Variants in REEP2 observed in about 807,000 individuals in gnomAD.
REEP2 encodes the protein receptor accessory protein 2, also known as receptor expression-enhancing protein 2.
A neutral mutation model predicts 32.1 loss-of-function variants in REEP2; 9 were observed. The observed-to-expected ratio is 0.28, with a 90% CI of 0.17 to 0.49. The LOEUF (loss-of-function observed/expected upper bound fraction) is 0.49. Among genes scored for constraint, REEP2 ranks in the 20% least tolerant of loss-of-function variants. The pLI is 0.99. For missense variants in REEP2, 236 were observed against 338.0 expected (o/e 0.70, Z 2.37); for synonymous variants, 128 against 139.1 (o/e 0.92, Z 0.56).
rs1763768884 is a variant in REEP2 at position 138,439,058 on chromosome 5, G to C, written c.-151G>C. ...GGCAGGGACCTCCCCTTTAACGGCGGCGCTGGGCGCTCCGCTGCCCCCGCG... is the reference window on the plus strand; with the variant it reads ...GGCAGGGACCTCCCCTTTAACGGCGCCGCTGGGCGCTCCGCTGCCCCCGCG... On this transcript the variant is annotated 5_prime_UTR_variant, in exon 1 of 8. Transcript: ENST00000378339. 1 of 229,868 alleles carries C rather than the reference G, an allele frequency of 4.4e-6. No homozygotes were observed. Among genetic ancestry groups the C allele is most frequent in the Non-Finnish European group, 7.8e-6 (1 of 128,172 alleles). The allele number at this position is 229,868 out of a possible 1,614,324, so 14.2% of individuals were successfully genotyped here.
chr5:138,442,539 C>T lies in REEP2; in HGVS notation c.182+1078C>T, dbSNP rs374427127. 4.0e-5 allele frequency among the ~76,000 whole-genome samples: 6 copies of T among 151,868 alleles called. No individual in the cohort carries two copies. In the East Asian group the frequency reaches 5.8e-4, roughly 15 times the overall value. On this transcript the variant is annotated intron_variant, in intron 3 of 7. Transcript: ENST00000378339. ...CATCCTGGCCAACACGGTGAAACCCCGTCTCTACTAAAAATACAAAAATTA... is the reference window on the plus strand; with the variant it reads ...CATCCTGGCCAACACGGTGAAACCCTGTCTCTACTAAAAATACAAAAATTA...
At position 138,439,180 on chromosome 5, in the gene REEP2, C is replaced by A; in HGVS notation, c.-29C>A. ...AGCTGCATCCTCGGCCGGGCCGGGT[C>A]CCCGCCCCGCGCCGCGCCCGGCCCC... is the stretch of plus-strand genomic sequence containing the variant. On this transcript the variant is annotated 5_prime_UTR_variant, in exon 1 of 8. Transcript: ENST00000378339. 1 of 1,352,498 alleles carries A rather than the reference C, an allele frequency of 7.4e-7. No homozygotes were observed. Among genetic ancestry groups the A allele is most frequent in the Non-Finnish European group, 9.5e-7 (1 of 1,054,348 alleles). 83.8% of individuals were successfully genotyped at this position (1,352,498 alleles called of 1,614,324 possible). A position where few individuals can be genotyped will look rare whatever the true frequency, so the allele number is the denominator to read the frequency against.
In REEP2 at chr5:138,445,726, C is replaced by A. The variant is rs1286870032; in HGVS notation, c.740C>A (p.Thr247Asn). ...CTGAAGACCCGGCCCAAGAAGAAGA[C>A]CTCTGGCGGGGGCGACTCAGCTTGA... Reference protein sequence around the residue: ...KTLKTRPKKKTSGGGDSA With the variant: ...KTLKTRPKKKNSGGGDSA The change falls in exon 8 of 8, where the codon ACC becomes AAC. Residue 247 changes from threonine to asparagine, a missense_variant. Thr to Asn is a moderately conservative substitution (Grantham distance 65, BLOSUM62 0). Coordinates refer to ENST00000378339, the MANE Select transcript of REEP2 (RefSeq NM_001271803.2). 2.5e-6 allele frequency: 4 copies of A among 1,614,134 alleles called. No individual in the cohort carries two copies. The highest frequency in any genetic ancestry group is 3.4e-6 in the Non-Finnish European group (4 of 1,180,010).
chr5:138,445,687 T>C lies in REEP2; in HGVS notation c.701T>C (p.Leu234Pro). ...PIKKAPKAEP[L>P]ASKTLKTRPK... Reference sequence around the variant, plus strand: ...TCTTCCTCCTTCTTTCCACAGCCACTGGCTTCCAAGACACTGAAGACCCGG... The same window carrying C: ...TCTTCCTCCTTCTTTCCACAGCCACCGGCTTCCAAGACACTGAAGACCCGG... Residue 234 changes from leucine to proline, a missense_variant, in exon 8 of 8, where the codon CTG (leucine) becomes CCG (proline). Coordinates refer to ENST00000378339, the MANE Select transcript of REEP2 (RefSeq NM_001271803.2). 1.2e-6 allele frequency: 2 copies of C among 1,614,098 alleles called. No homozygotes were observed. Among genetic ancestry groups the C allele is most frequent in the Non-Finnish European group, 1.7e-6 (2 of 1,180,018 alleles).
At chr5:138,444,254 C>A in intron 3 of REEP2, 161 bp from the exon 4 acceptor site, 1 of 752,624 alleles carries the variant, frequency 1.3e-6, no homozygotes, top group East Asian at 2.7e-5. Flanking sequence ...GCCCTCCAGA[C>A]CCTTTCAGAT....
rs559754711 is a variant in REEP2 at position 138,446,216 on chromosome 5, C to T, written c.*465C>T. Reference sequence around the variant, plus strand: ...GGGGAAAGGGAGCACACGGGGAGGACGTTGGGGACCCTGGGTGGGGCCTCC... The same window carrying T: ...GGGGAAAGGGAGCACACGGGGAGGATGTTGGGGACCCTGGGTGGGGCCTCC... On this transcript the variant is annotated 3_prime_UTR_variant, in exon 8 of 8. Coordinates refer to ENST00000378339, the MANE Select transcript of REEP2 (RefSeq NM_001271803.2). 2.5e-5 allele frequency: 4 copies of T among 156,958 alleles called. No homozygotes were observed. Among genetic ancestry groups the T allele is most frequent in the East Asian group, 3.8e-4 (2 of 5,276 alleles). The allele number at this position is 156,958 out of a possible 1,614,324, so 9.7% of individuals were successfully genotyped here.
In REEP2 at chr5:138,441,302, T is replaced by C; in HGVS notation, c.106-83T>C. 6 of 1,369,790 alleles carry C rather than the reference T, an allele frequency of 4.4e-6. No individual in the cohort carries two copies. The highest frequency in any genetic ancestry group is 2.3e-5 in the South Asian group (2 of 86,002). The allele number at this position is 1,369,790 out of a possible 1,614,324, so 84.9% of individuals were successfully genotyped here. On this transcript the variant is annotated intron_variant, in intron 2 of 7. Coordinates refer to ENST00000378339, the MANE Select transcript of REEP2 (RefSeq NM_001271803.2). The surrounding 1 kb of genome is among the most constrained non-coding windows in gnomAD (Gnocchi z 4.4). ...CTTGGTGTTCTCCCCAGCCCAGGCA[T>C]GTTCAACAGGCAGAGCTGGGGTCCT...
rs1452622279 is a variant in REEP2, at chr5:138,446,315, C to T, written c.*564C>T. 3.9e-5 allele frequency: 6 copies of T among 153,932 alleles called. No individual in the cohort carries two copies. Among genetic ancestry groups the T allele is most frequent in the African/African-American group, 1.4e-4 (6 of 41,444 alleles). The allele number at this position is 153,932 out of a possible 1,614,324, so 9.5% of individuals were successfully genotyped here. Reference sequence around the variant, plus strand: ...CAGGATGGCCAGGCCAGAGCTGCAGCTGGGGGCTCTTTTCCTGGTCATTGG... The same window carrying T: ...CAGGATGGCCAGGCCAGAGCTGCAGTTGGGGGCTCTTTTCCTGGTCATTGG... On this transcript the variant is annotated 3_prime_UTR_variant, in exon 8 of 8. Transcript: ENST00000378339.
chr5:138,439,349 C>A (rs1481999940), intron 1 of REEP2, 109 bp downstream of exon 1: 8 of 1,188,298 alleles, frequency 6.7e-6, no homozygotes, highest in Non-Finnish European at 9.2e-6. Context: ...CCTAAAGGCG[C>A]TGCGTCCTTA....
Position 138,441,402 on chromosome 5 carries a change from C to G in REEP2, c.123C>G (p.Tyr41Ter). The G allele has an allele frequency of 6.2e-7, 1 of 1,614,184 alleles. No homozygotes were observed. Among genetic ancestry groups the G allele is most frequent in the Non-Finnish European group, 8.5e-7 (1 of 1,180,010 alleles). Residue 41 changes from tyrosine (Y) to a stop codon, truncating the protein, a stop_gained, in exon 3 of 8, where the codon TAC (tyrosine) becomes TAG (stop). Transcript: ENST00000378339. LOFTEE classifies it high-confidence loss of function. The surrounding 1 kb of genome is among the most constrained non-coding windows in gnomAD (Gnocchi z 4.4). ...TCCCTCAGGTGAAATGGATGATGTA[C>G]TGGATCGTCTTTGCCTTCTTCACCA... The part of the protein sequence containing the change: ...NVKEYVKWMM[Y>*]WIVFAFFTTA...
chr5:138,441,585 G>A lies in REEP2; in HGVS notation c.182+124G>A. ...CTCCCATTCCTGACAATTTCATGGG[G>A]TCCTTGATATCTCCCCTCTCATGCC... On this transcript the variant is annotated intron_variant, in intron 3 of 7. Coordinates refer to ENST00000378339, the MANE Select transcript of REEP2 (RefSeq NM_001271803.2). This position sits in a 1 kb window ranked among gnomAD's most constrained non-coding sequence, Gnocchi z 4.4. 3 of 773,328 alleles carry A rather than the reference G, an allele frequency of 3.9e-6. No individual in the cohort carries two copies. The highest frequency in any genetic ancestry group is 1.5e-5 in the South Asian group (1 of 66,196). 47.9% of individuals were successfully genotyped at this position (773,328 alleles called of 1,614,324 possible).
rs760428688 is a variant in REEP2 at position 138,441,129 on chromosome 5, C to A, written c.105+41C>A. The A allele has an allele frequency of 1.4e-5, 22 of 1,611,776 alleles. No homozygotes were observed. Among genetic ancestry groups the A allele is most frequent in the Non-Finnish European group, 1.8e-5 (21 of 1,179,024 alleles). ...TTCACCCCCTACCCAACCCACATGG[C>A]ACAGAGAGGGGAGGGCACTGGGTCC... is the stretch of plus-strand genomic sequence containing the variant. On this transcript the variant is annotated intron_variant, in intron 2 of 7. Transcript: ENST00000378339. The surrounding 1 kb of genome is among the most constrained non-coding windows in gnomAD (Gnocchi z 4.4).
Position 138,445,888 on chromosome 5 carries a change from T to G in REEP2, c.*137T>G. ...CCCGCAGATGGCCATTTCCGGTGCC[T>G]GCCCAGTGGCCACTCTTCTGGAAGG... On this transcript the variant is annotated 3_prime_UTR_variant, in exon 8 of 8. Coordinates refer to ENST00000378339, the MANE Select transcript of REEP2 (RefSeq NM_001271803.2). 1 of 795,110 alleles carries G rather than the reference T, an allele frequency of 1.3e-6. No individual in the cohort carries two copies. Among genetic ancestry groups the G allele is most frequent in the South Asian group, 1.8e-5 (1 of 54,604 alleles). 49.3% of individuals were successfully genotyped at this position (795,110 alleles called of 1,614,324 possible). A position where few individuals can be genotyped will look rare whatever the true frequency, so the allele number is the denominator to read the frequency against.
chr5:138,444,773 C>A lies in REEP2; in HGVS notation c.323C>A (p.Thr108Lys), dbSNP rs772650431. The change falls in exon 5 of 8, where the codon ACG becomes AAG. Residue 108 changes from threonine (T) to lysine (K), a missense_variant. Physicochemically the swap from Thr to Lys is moderately conservative, Grantham distance 78. Transcript: ENST00000378339. Reference sequence around the variant, plus strand: ...CCATAGGAGATCGACGAGTACATCACGCAGGCCCGAGACAAGAGCTATGAG... The same window carrying A: ...CCATAGGAGATCGACGAGTACATCAAGCAGGCCCGAGACAAGAGCTATGAG... ...NKEKEIDEYI[T>K]QARDKSYETM... is the part of the protein sequence containing the mutation. The A allele has an allele frequency of 6.8e-6, 11 of 1,613,888 alleles. No homozygotes were observed. The highest frequency in any genetic ancestry group is 9.3e-6 in the Non-Finnish European group (11 of 1,179,906).
rs377323644 is a variant in REEP2 at position 138,444,545 on chromosome 5, C to T, written c.303+10C>T. ...GTCCAACAAGGAGAAGGTTTGCCCC[C>T]ACTCTCAGCTCACCTCCCAGCCTGC... On this transcript the variant is annotated intron_variant, in intron 4 of 7. Coordinates refer to ENST00000378339, the MANE Select transcript of REEP2 (RefSeq NM_001271803.2). 3 of 1,613,478 alleles carry T rather than the reference C, an allele frequency of 1.9e-6. No individual in the cohort carries two copies. The highest frequency in any genetic ancestry group is 2.7e-5 in the African/African-American group (2 of 74,906).
chr5:138,445,101 G>A, intron 5 of REEP2, 127 bp from the exon 6 acceptor site: 1 of 1,103,510 alleles, frequency 9.1e-7, no homozygotes. Context: ...AGCTCTGTCT[G>A]TGTGGGACTG....
chr5:138,441,580 A>T lies in REEP2; in HGVS notation c.182+119A>T. 1.2e-6 allele frequency: 1 copy of T among 837,910 alleles called. No homozygotes were observed. The highest frequency in any genetic ancestry group is 1.4e-5 in the South Asian group (1 of 69,322). The allele number at this position is 837,910 out of a possible 1,614,324, so 51.9% of individuals were successfully genotyped here. On this transcript the variant is annotated intron_variant, in intron 3 of 7. Coordinates refer to ENST00000378339, the MANE Select transcript of REEP2 (RefSeq NM_001271803.2). This position sits in a 1 kb window ranked among gnomAD's most constrained non-coding sequence, Gnocchi z 4.4. ...AGCTCCTCCCATTCCTGACAATTTCATGGGGTCCTTGATATCTCCCCTCTC... is the reference window on the plus strand; with the variant it reads ...AGCTCCTCCCATTCCTGACAATTTCTTGGGGTCCTTGATATCTCCCCTCTC...
At position 138,445,799 on chromosome 5, in the gene REEP2, G is replaced by C. The variant is rs1438853076; in HGVS notation, c.*48G>C. Reference sequence around the variant, plus strand: ...CAGAGCAAGGATGAAGCCTCAGGAGGGGCCTCAGACCCAGCCCCTGCTCCA... The same window carrying C: ...CAGAGCAAGGATGAAGCCTCAGGAGCGGCCTCAGACCCAGCCCCTGCTCCA... On this transcript the variant is annotated 3_prime_UTR_variant, in exon 8 of 8. Coordinates refer to ENST00000378339, the MANE Select transcript of REEP2 (RefSeq NM_001271803.2). The C allele has an allele frequency of 6.4e-7, 1 of 1,572,766 alleles. No homozygotes were observed. The highest frequency in any genetic ancestry group is 1.1e-5 in the South Asian group (1 of 87,132).
Position 138,445,352 on chromosome 5 carries a change from T to C in REEP2, c.542T>C (p.Leu181Pro). Residue 181 changes from leucine (L) to proline (P), a missense_variant, in exon 6 of 8, where the codon CTC becomes CCC. Coordinates refer to ENST00000378339, the MANE Select transcript of REEP2 (RefSeq NM_001271803.2). ...CGCCTCCGACCCAGCCCTGGCAGCC[T>C]CCTGGACACCATCGAGGACTTAGGT... ...DGRLRPSPGS[L>P]LDTIEDLGDD... The C allele has an allele frequency of 6.2e-7, 1 of 1,613,076 alleles. No homozygotes were observed. Among genetic ancestry groups the C allele is most frequent in the Non-Finnish European group, 8.5e-7 (1 of 1,179,638 alleles).
Sources: allele counts gnomAD v4.1 joint callset (sites outside exome capture counted in the v4.1 genomes callset), GRCh38; gene constraint gnomAD v4.1.1; non-coding constraint Gnocchi (gnomAD v3.1); transcripts MANE v1.5; gene names NCBI Gene and HGNC (gene_info 2026-07-23, HGNC 2026-07-21).